Variants in RRAGC observed in about 807,000 individuals in gnomAD.
The protein encoded by RRAGC is Ras related GTP binding C, also known as ras-related GTP-binding protein C.
In RRAGC, 8 loss-of-function variants were observed where a neutral mutation model predicts 37.1. The ratio of observed to expected loss-of-function variants is 0.22; its 90% CI spans 0.13 to 0.39. The LOEUF (loss-of-function observed/expected upper bound fraction) is 0.39. Among genes scored for constraint, RRAGC ranks in the 10% least tolerant of loss-of-function variants. The pLI is 1.00. For synonymous variants in RRAGC, 190 were observed against 181.1 expected, an observed-to-expected ratio of 1.05 and a Z score of -0.39; for missense variants, 342 against 497.6, an observed-to-expected ratio of 0.69 and a Z score of 2.98.
intron 5 of RRAGC, chr1:38,848,088 C>T (rs1053737858): frequency 2.6e-5 from 4 of 151,526 alleles, no homozygotes; most frequent in Admixed American, 6.6e-5. Context: ...GAAGTAATCT[C>T]CTGGCAAAGT....
intron 3 of RRAGC, among the ~76,000 whole-genome samples, chr1:38,855,037 ATTAT>A (rs1487424636): frequency 1.3e-5 from 2 of 152,246 alleles, no homozygotes; most frequent in Admixed American, 6.5e-5. Flanking sequence ...TCAAGTAGGT[ATTAT>A]TTAATAATAA....
chr1:38,839,877 T>C (rs1378373474), intron 6 of RRAGC, among the ~76,000 whole-genome samples, 173 bp from the exon 7 acceptor site: 1 of 151,800 alleles, frequency 6.6e-6, no homozygotes, highest in Non-Finnish European at 1.5e-5. Flanking sequence ...TCAGGTGCAG[T>C]GGCTCACGCC....
chr1:38,851,616 C>T lies in RRAGC; in HGVS notation c.898G>A (p.Gly300Arg). Reference sequence around the variant, plus strand: ...TGCAGGAATATATACATAACTTACCCATATATACAAGACACATCAATTACA... The same window carrying T: ...TGCAGGAATATATACATAACTTACCTATATATACAAGACACATCAATTACA... ...DVVIDVSCIY[G>R]LKEDGSGSAY... The change falls in exon 5 of 7, where the codon GGG (glycine) becomes AGG (arginine). Residue 300 changes from glycine (G) to arginine (R), a missense_variant and splice_region_variant. Physicochemically the swap from Gly to Arg is moderately radical, Grantham distance 125 (BLOSUM62 -2). This residue lies in a region of RRAGC where 104 missense variants were observed against 127.0 expected (regional missense o/e 0.82). Coordinates refer to ENST00000373001, the MANE Select transcript of RRAGC (RefSeq NM_022157.4). 1.3e-6 allele frequency: 2 copies of T among 1,524,996 alleles called. No homozygotes were observed. The highest frequency in any genetic ancestry group is 8.7e-7 in the Non-Finnish European group (1 of 1,143,460). 94.5% of individuals were successfully genotyped at this position (1,524,996 alleles called of 1,614,324 possible).
chr1:38,842,029 T>C (rs1641969655), intron 6 of RRAGC, among the ~76,000 whole-genome samples: 1 of 152,030 alleles, frequency 6.6e-6, no homozygotes, highest in Non-Finnish European at 1.5e-5. Context: ...TTCCAGCACT[T>C]CAGGAGGCTG....
In RRAGC at chr1:38,859,651, C is replaced by T. The variant is rs777953810; in HGVS notation, c.-5G>A. The T allele has an allele frequency of 1.3e-6, 2 of 1,542,866 alleles. No individual in the cohort carries two copies. The highest frequency in any genetic ancestry group is 1.7e-6 in the Non-Finnish European group (2 of 1,145,072). On this transcript the variant is annotated 5_prime_UTR_variant, in exon 1 of 7. Transcript: ENST00000373001. ...CGCCCCGTACTGCAGGGACATGGTG[C>T]TGGAGCCGCCGCCGCCCGCGCCCTG...
At chr1:38,855,634 T>C in intron 3 of RRAGC, 74 bp downstream of exon 3, 2 of 1,160,252 alleles carry the variant, frequency 1.7e-6, no homozygotes, top group Non-Finnish European at 2.6e-6. Context: ...AAAGCTATGG[T>C]GTTTGTAATG....
At chr1:38,847,778 GCATA>G (rs1288625568) in intron 5 of RRAGC, 4 of 152,124 alleles carry the variant, frequency 2.6e-5, no homozygotes, top group Non-Finnish European at 2.9e-5. Flanking sequence ...CAGGCACATG[GCATA>G]CACCTGTAAT....
intron 1 of RRAGC, among the ~76,000 whole-genome samples, chr1:38,858,692 A>C (rs1219430915): frequency 6.6e-6 from 1 of 152,142 alleles, no homozygotes; most frequent in Non-Finnish European, 1.5e-5. Flanking sequence ...AGAGCGAGAG[A>C]CTCCGTCTCA....
rs557837995 is a variant in RRAGC, at chr1:38,853,773, A to C, written c.642-1285T>G. 1.4e-3 allele frequency among the ~76,000 whole-genome samples: 220 copies of C among 152,158 alleles called. 1 individual carries two copies. The highest frequency in any genetic ancestry group is 4.8e-3 in the African/African-American group (201 of 41,512). ...AAAAAAAAAAAAAAAAATACTTTCAAGGAGCTGACCTAAGAACCTAATCTA... is the reference window on the plus strand; with the variant it reads ...AAAAAAAAAAAAAAAAATACTTTCACGGAGCTGACCTAAGAACCTAATCTA... On this transcript the variant is annotated intron_variant, in intron 3 of 6. Transcript: ENST00000373001.
chr1:38,853,037 C>G (rs1642120044), intron 3 of RRAGC, among the ~76,000 whole-genome samples: 1 of 152,202 alleles, frequency 6.6e-6, no homozygotes, highest in Admixed American at 6.5e-5. Flanking sequence ...TGCTTCTGAG[C>G]TGTGTCACTG....
chr1:38,853,841 G>A (rs1015974948), intron 3 of RRAGC, among the ~76,000 whole-genome samples: 1 of 152,192 alleles, frequency 6.6e-6, no homozygotes, highest in African/African-American at 2.4e-5. Context: ...ACTGGAACAG[G>A]TAAGGCCAAG....
In RRAGC at chr1:38,846,621, G is replaced by C. The variant is rs890565993; in HGVS notation, c.900-534C>G. The stretch of plus-strand genomic sequence containing the variant: ...CTAAACAAGAACAGTCTCAGCTAGA[G>C]ACTAGCAGGGACTATGTTGAAATCA... On this transcript the variant is annotated intron_variant, in intron 5 of 6. Transcript: ENST00000373001. The C allele has an allele frequency of 2.0e-5, 3 of 152,228 alleles. No individual in the cohort carries two copies. The East Asian group carries it at 5.8e-4, about 29-fold the overall frequency. 9.4% of individuals were successfully genotyped at this position (152,228 alleles called of 1,614,324 possible). A position where few individuals can be genotyped will look rare whatever the true frequency, so the allele number is the denominator to read the frequency against.
At position 38,839,524 on chromosome 1, in the gene RRAGC, G is replaced by T. The variant is rs1416947282; in HGVS notation, c.*29C>A. 1.2e-6 allele frequency: 2 copies of T among 1,612,518 alleles called. No individual in the cohort carries two copies. Among genetic ancestry groups the T allele is most frequent in the Admixed American group, 1.7e-5 (1 of 59,942 alleles). ...CCGACCCTGGAGTGAAGAGTAAGCT[G>T]GCACAGAGCCCCGACGCTGGGATTC... On this transcript the variant is annotated 3_prime_UTR_variant, in exon 7 of 7. Coordinates refer to ENST00000373001, the MANE Select transcript of RRAGC (RefSeq NM_022157.4).
intron 5 of RRAGC, among the ~76,000 whole-genome samples, chr1:38,850,523 T>A (rs1354836453): frequency 6.6e-6 from 1 of 150,836 alleles, no homozygotes; most frequent in East Asian, 1.9e-4. Flanking sequence ...AATAAATAAA[T>A]AAATAAATAA....
intron 3 of RRAGC, among the ~76,000 whole-genome samples, chr1:38,854,972 T>G (rs1358295895): frequency 6.6e-6 from 1 of 152,244 alleles, no homozygotes; most frequent in South Asian, 2.1e-4. Context: ...TAAAATAAGA[T>G]GTACAAAAAT....
chr1:38,846,077 C>T lies in RRAGC; in HGVS notation c.910G>A (p.Asp304Asn). 6.2e-7 allele frequency: 1 copy of T among 1,608,876 alleles called. No homozygotes were observed. The highest frequency in any genetic ancestry group is 2.2e-5 in the East Asian group (1 of 44,800). ...DVSCIYGLKE[D>N]GSGSAYDKES... ...TTGTCATAAGCACTTCCACTTCCAT[C>T]TTCCTTTAACCTATTTTAAAAGAAA... Residue 304 changes from aspartate (D) to asparagine (N), a missense_variant, in exon 6 of 7, where the codon GAT becomes AAT. By Grantham distance (23) the Asp-to-Asn change is conservative. This residue lies in a region of RRAGC where 104 missense variants were observed against 127.0 expected (regional missense o/e 0.82). Transcript: ENST00000373001.
chr1:38,847,661 G>A (rs1176165598), intron 5 of RRAGC: 3 of 151,820 alleles, frequency 2.0e-5, no homozygotes, highest in Non-Finnish European at 4.4e-5. Context: ...CTGAGGACAC[G>A]AATTATTACT....
chr1:38,842,533 G>A (rs889792347), intron 6 of RRAGC, among the ~76,000 whole-genome samples: 2 of 152,152 alleles, frequency 1.3e-5, no homozygotes, highest in Admixed American at 6.6e-5. Context: ...CATTATTAAG[G>A]ACAAGAAGTG....
At chr1:38,855,168 GT>G (rs56201471) in intron 3 of RRAGC, among the ~76,000 whole-genome samples, 1 of 152,158 alleles carries the variant, frequency 6.6e-6, no homozygotes, top group African/African-American at 2.4e-5. Flanking sequence ...AGTATAAAGT[GT>G]TTTAAAAGCT....
Sources: allele counts gnomAD v4.1 joint callset (sites outside exome capture counted in the v4.1 genomes callset), GRCh38; gene constraint gnomAD v4.1.1; regional missense constraint gnomAD v4.1.1; transcripts MANE v1.5; gene names NCBI Gene and HGNC (gene_info 2026-07-23, HGNC 2026-07-21).